The following FAT3 variants were observed in gnomAD, a reference collection of about 807,000 sequenced individuals.
FAT3 encodes the protein FAT atypical cadherin 3, also known as protocadherin Fat 3.
FAT3 carries 95 observed loss-of-function variants against 310.2 expected under a neutral mutation model. The observed-to-expected ratio is 0.31, with a 90% CI of 0.26 to 0.36. The LOEUF (loss-of-function observed/expected upper bound fraction) is 0.36, where lower values mean the gene tolerates loss of function less well. FAT3 is among the 10% of genes least tolerant of loss of function. The pLI, the probability that FAT3 is intolerant of heterozygous loss-of-function variation, is 1.00. For synonymous variants in FAT3, 2,314 were observed against 2,192.9 expected, an observed-to-expected ratio of 1.06 and a Z score of -1.54; for missense variants, 5,408 against 5,715.6, an observed-to-expected ratio of 0.95 and a Z score of 1.74.
chr11:92,491,828 G>A (rs1952607507), intron 2 of FAT3, among the ~76,000 whole-genome samples: 1 of 152,002 alleles, frequency 6.6e-6, no homozygotes, highest in Admixed American at 6.6e-5. Flanking sequence ...GATACAGGTG[G>A]GTAGCCTGGC....
At chr11:92,797,049 TGA>T (rs1947193763) in intron 9 of FAT3, among the ~76,000 whole-genome samples, 1 of 152,192 alleles carries the variant, frequency 6.6e-6, no homozygotes, top group Non-Finnish European at 1.5e-5. Flanking sequence ...AAATGCTTGG[TGA>T]ATAGAATGGT....
intron 1 of FAT3, among the ~76,000 whole-genome samples, chr11:92,275,799 A>G (rs1277536292): frequency 6.6e-6 from 1 of 152,092 alleles, no homozygotes; most frequent in East Asian, 1.9e-4. Flanking sequence ...ACTTATGTAC[A>G]TTTATGCTTG....
At chr11:92,571,938 T>C (rs987044872) in intron 3 of FAT3, among the ~76,000 whole-genome samples, 2 of 152,210 alleles carry the variant, frequency 1.3e-5, no homozygotes, top group African/African-American at 4.8e-5. Context: ...CAGAGAACTT[T>C]AACATTTCAC....
intron 10 of FAT3, among the ~76,000 whole-genome samples, chr11:92,803,404 T>A (rs1229950995): frequency 6.6e-6 from 1 of 152,220 alleles, no homozygotes; most frequent in Non-Finnish European, 1.5e-5. Context: ...AAAGGACCAT[T>A]AATCATTTTA....
intron 2 of FAT3, among the ~76,000 whole-genome samples, chr11:92,380,661 G>A (rs1171729360): frequency 6.6e-6 from 1 of 152,134 alleles, no homozygotes; most frequent in African/African-American, 2.4e-5. Context: ...TTACCTCTTG[G>A]TGACACTTCA....
intron 7 of FAT3, among the ~76,000 whole-genome samples, chr11:92,789,607 G>T (rs1946984637): frequency 6.6e-6 from 1 of 151,966 alleles, no homozygotes; most frequent in Non-Finnish European, 1.5e-5. Context: ...TAAGATAATG[G>T]CAACTTAACA....
chr11:92,810,473 T>G, intron 13 of FAT3, among the ~76,000 whole-genome samples: 1 of 152,210 alleles, frequency 6.6e-6, no homozygotes, highest in East Asian at 1.9e-4. Flanking sequence ...TTTGTTTCCA[T>G]GTCTATGAAG....
chr11:92,688,382 T>A lies in FAT3; in HGVS notation c.3608-9002T>A, dbSNP rs572317949. On this transcript the variant is annotated intron_variant, in intron 3 of 27. Coordinates refer to ENST00000525166, the MANE Select transcript of FAT3 (RefSeq NM_001367949.2). ...TTATTTTATTTCATAAAGTTGAGTG[T>A]TGTTCATGTTAGAAAAACTAGATAT... is the stretch of plus-strand genomic sequence containing the variant. 2.6e-5 allele frequency among the ~76,000 whole-genome samples: 4 copies of A among 152,252 alleles called. No individual in the cohort carries two copies. The East Asian group carries it at 7.7e-4, about 29-fold the overall frequency.
At chr11:92,790,497 A>G (rs576638102) in intron 8 of FAT3, among the ~76,000 whole-genome samples, 1 of 152,342 alleles carries the variant, frequency 6.6e-6, no homozygotes, top group South Asian at 2.1e-4. Flanking sequence ...GAGGGAAGGA[A>G]CAGGTCATGT....
In FAT3 at chr11:92,889,237, T is replaced by C. The variant is rs1442459036; in HGVS notation, c.13100T>C (p.Ile4367Thr). 1 of 711,626 alleles carries C rather than the reference T, an allele frequency of 1.4e-6. No individual in the cohort carries two copies. Among genetic ancestry groups the C allele is most frequent in the African/African-American group, 1.8e-5 (1 of 56,920 alleles). The allele number at this position is 711,626 out of a possible 1,614,324, so 44.1% of individuals were successfully genotyped here. Residue 4367 changes from isoleucine to threonine, a missense_variant, in exon 26 of 28, where the codon ATA (isoleucine) becomes ACA (threonine). Transcript: ENST00000525166. Reference protein sequence around the residue: ...IQLVNNVVDTIENEVSVMDQG... With the variant: ...IQLVNNVVDTTENEVSVMDQG... ...CTTGTCAACAATGTAGTTGACACTA[T>C]AGAGAATGAAGGTATTTACTTTTTT...
At chr11:92,386,360 A>G (rs1333011710) in intron 2 of FAT3, among the ~76,000 whole-genome samples, 1 of 152,196 alleles carries the variant, frequency 6.6e-6, no homozygotes, top group Non-Finnish European at 1.5e-5. Context: ...GAAAATGCCT[A>G]GGAACATATA....
rs538480501 is a variant in FAT3, at chr11:92,492,844, A to C, written c.3293-31790A>C. ...AATTCTTGGCACTCAGTAGATGCTGAACAAATGCTGGTTCCCTTCTCCCTG... is the reference window on the plus strand; with the variant it reads ...AATTCTTGGCACTCAGTAGATGCTGCACAAATGCTGGTTCCCTTCTCCCTG... On this transcript the variant is annotated intron_variant, in intron 2 of 27. Coordinates refer to ENST00000525166, the MANE Select transcript of FAT3 (RefSeq NM_001367949.2). 2.6e-4 allele frequency among the ~76,000 whole-genome samples: 40 copies of C among 152,234 alleles called. No individual in the cohort carries two copies. In the South Asian group the frequency reaches 7.7e-3, roughly 29 times the overall value.
intron 3 of FAT3, among the ~76,000 whole-genome samples, chr11:92,641,162 T>C (rs998553031): frequency 4.6e-5 from 7 of 152,100 alleles, no homozygotes; most frequent in African/African-American, 1.7e-4. Context: ...ACCACTGCAC[T>C]CCAGCATGGA....
intron 1 of FAT3, among the ~76,000 whole-genome samples, chr11:92,288,243 G>A (rs1273293335): frequency 1.4e-4 from 21 of 152,076 alleles, no homozygotes; most frequent in Non-Finnish European, 1.5e-5. Flanking sequence ...ATCTAAAGTA[G>A]CCAAATTTAT....
intron 22 of FAT3, among the ~76,000 whole-genome samples, chr11:92,870,602 A>G (rs1591835534): frequency 6.6e-6 from 1 of 152,144 alleles, no homozygotes; most frequent in Admixed American, 6.5e-5. Context: ...TGAATGTAAT[A>G]TGTCAACACC....
chr11:92,701,655 C>A (rs576787883), intron 4 of FAT3, among the ~76,000 whole-genome samples: 11 of 152,154 alleles, frequency 7.2e-5, no homozygotes, highest in South Asian at 6.2e-4. Context: ...CCTTGATACC[C>A]AGTTATGATT....
chr11:92,551,402 G>T (rs946213133), intron 3 of FAT3, among the ~76,000 whole-genome samples: 11 of 54,668 alleles, frequency 2.0e-4, no homozygotes, highest in Admixed American at 7.3e-4. Flanking sequence ...TTGGTCCCAT[G>T]TTTTTTTTGT....
intron 3 of FAT3, among the ~76,000 whole-genome samples, chr11:92,574,848 C>T (rs534383465): frequency 7.2e-5 from 11 of 152,260 alleles, no homozygotes; most frequent in Non-Finnish European, 1.2e-4. Flanking sequence ...TATAGCAACC[C>T]TGTGATGGGG....
chr11:92,324,931 C>T (rs1947725664), intron 1 of FAT3, among the ~76,000 whole-genome samples: 1 of 152,206 alleles, frequency 6.6e-6, no homozygotes, highest in Non-Finnish European at 1.5e-5. Flanking sequence ...GAGGACTTAA[C>T]TGAAGACTGA....
Sources: gnomAD v4.1 joint callset for allele counts (sites outside exome capture counted in the v4.1 genomes callset) on GRCh38, gnomAD v4.1.1 for gene constraint, MANE v1.5 for transcripts, NCBI Gene and HGNC (gene_info 2026-07-23, HGNC 2026-07-21) for gene names.